Variants in TRIM39 observed in about 807,000 individuals in gnomAD.
TRIM39 encodes tripartite motif containing 39.
A neutral mutation model predicts 53.6 loss-of-function variants in TRIM39; 5 were observed. The ratio of observed to expected loss-of-function variants is 0.09; its 90% CI spans 0.05 to 0.20. The LOEUF (loss-of-function observed/expected upper bound fraction) is 0.20. Among genes scored for constraint, TRIM39 ranks in the 10% least tolerant of loss-of-function variants. The probability of loss-of-function intolerance (pLI) is 1.00; values close to 1 mark genes in which losing one functional copy is unlikely to be tolerated. For missense variants in TRIM39, 310 were observed against 621.0 expected (o/e 0.50, Z 5.32); for synonymous variants, 196 against 237.6 (o/e 0.82, Z 1.61).
chr6:30,327,157 G>A (rs1178675303), intron 1 of TRIM39, 162 bp downstream of exon 1: 1 of 152,654 alleles, frequency 6.6e-6, no homozygotes, highest in Non-Finnish European at 1.5e-5. Context: ...TGCCGCCCCG[G>A]CGACGTCAGC....
chr6:30,330,895 A>G lies in TRIM39; in HGVS notation c.549+19A>G, dbSNP rs750438582. On this transcript the variant is annotated intron_variant, in intron 4 of 7. Coordinates refer to ENST00000396551, the Ensembl canonical transcript of TRIM39. ...GCTCAAGGTAAAGGCAGGCAATCCC[A>G]TGTAGGCTGCTCTGAAGGGTATTTG... 22 of 1,613,048 alleles carry G rather than the reference A, an allele frequency of 1.4e-5. No homozygotes were observed. The highest frequency in any genetic ancestry group is 1.8e-5 in the Non-Finnish European group (21 of 1,179,356).
At chr6:30,340,196 T>G in intron 6 of TRIM39, 4 of 1,324,188 alleles carry the variant, frequency 3.0e-6, no homozygotes, top group Non-Finnish European at 4.4e-6. Flanking sequence ...GTGGGTGGAA[T>G]TGTGTCCAAA....
intron 4 of TRIM39, among the ~76,000 whole-genome samples, chr6:30,331,721 C>T (rs1475121157): frequency 2.0e-5 from 3 of 152,174 alleles, no homozygotes; most frequent in East Asian, 1.9e-4. Context: ...ATCTCTCAGG[C>T]GGGATGAAAG....
At chr6:30,328,379 G>GA (rs1256316444) in intron 1 of TRIM39, among the ~76,000 whole-genome samples, 1 of 152,240 alleles carries the variant, frequency 6.6e-6, no homozygotes, top group Non-Finnish European at 1.5e-5. Context: ...GAACACAAGA[G>GA]AAATGGAATG....
chr6:30,339,877 C>T lies in TRIM39; in HGVS notation c.781-31C>T. On this transcript the variant is annotated intron_variant, in intron 5 of 7. Coordinates refer to ENST00000396551, the Ensembl canonical transcript of TRIM39. This position sits in a 1 kb window ranked among gnomAD's most constrained non-coding sequence, Gnocchi z 4.2. ...CTTCAGGACCACTGAATACCAGGACCAATATTGCTTTCTTTTCTCCTTCCT... is the reference window on the plus strand; with the variant it reads ...CTTCAGGACCACTGAATACCAGGACTAATATTGCTTTCTTTTCTCCTTCCT... 1 of 1,613,942 alleles carries T rather than the reference C, an allele frequency of 6.2e-7. No individual in the cohort carries two copies. Among genetic ancestry groups the T allele is most frequent in the Non-Finnish European group, 8.5e-7 (1 of 1,179,974 alleles).
intron 4 of TRIM39, 75 bp downstream of exon 4, chr6:30,330,951 A>C: frequency 6.6e-7 from 1 of 1,512,742 alleles, no homozygotes; most frequent in Non-Finnish European, 9.0e-7. Context: ...ACACTATTTA[A>C]TCCACCAGTT....
At chr6:30,341,509 T>C (rs534970440) in intron 7 of TRIM39, 96 of 820,552 alleles carry the variant, frequency 1.2e-4, no homozygotes, top group Middle Eastern at 6.6e-4. Flanking sequence ...ATTATCTGTT[T>C]ACTTTAGGGT....
Position 30,342,231 on chromosome 6 carries a change from C to T in TRIM39, c.1439C>T (p.Thr480Ile). ...GGACGGAAGAATGCTGCACCACTTACCATCAGGCCCCCAACAGATTGGGAG... is the reference window on the plus strand; with the variant it reads ...GGACGGAAGAATGCTGCACCACTTATCATCAGGCCCCCAACAGATTGGGAG... The change falls in exon 8 of 8, where the codon ACC (threonine) becomes ATC (isoleucine). Residue 480 changes from threonine to isoleucine, a missense_variant. Around this residue, in one of 5 missense-constraint regions of TRIM39, gnomAD observed 75 missense variants for 244.8 expected, o/e 0.31. Transcript: ENST00000396551. The surrounding 1 kb of genome is among the most constrained non-coding windows in gnomAD (Gnocchi z 4.7). 6.2e-7 allele frequency: 1 copy of T among 1,613,016 alleles called. No homozygotes were observed. The highest frequency in any genetic ancestry group is 8.5e-7 in the Non-Finnish European group (1 of 1,180,012).
chr6:30,330,774 C>G lies in TRIM39; in HGVS notation c.454-7C>G, dbSNP rs768275615. The G allele has an allele frequency of 1.2e-6, 2 of 1,614,064 alleles. No homozygotes were observed. The highest frequency in any genetic ancestry group is 1.7e-6 in the Non-Finnish European group (2 of 1,179,986). ...GTCACCTCTCCCACTTCCTCCCTAC[C>G]CCTCAGGAAAAACTGCAGAAGTGTC... is the stretch of plus-strand genomic sequence containing the variant. On this transcript the variant is annotated splice_region_variant and splice_polypyrimidine_tract_variant and intron_variant, in intron 3 of 7. Coordinates refer to ENST00000396551, the Ensembl canonical transcript of TRIM39.
chr6:30,333,358 T>G lies in TRIM39; in HGVS notation c.550-2387T>G, dbSNP rs948247662. Among the ~76,000 whole-genome samples the G allele has an allele frequency of 1.8e-3, 257 of 142,604 alleles. 1 individual carries two copies. The highest frequency in any genetic ancestry group is 3.5e-3 in the Admixed American group (51 of 14,438). The allele number at this position is 142,604 out of a possible 152,430, so 93.6% of individuals were successfully genotyped here. ...CCTATGTTTTTGTTTTTGTGGTTTT[T>G]TTTTTTTTTTTTTTTTTGAGACGGC... On this transcript the variant is annotated intron_variant, in intron 4 of 7. Transcript: ENST00000396551.
Position 30,341,942 on chromosome 6 carries a change from G to A in TRIM39, c.1150G>A (p.Val384Met). ...GGCAGTGGGTGTATGCCGGGACTCCGTGAGCCGAAAGGGCGAGTTGACTCC... is the reference window on the plus strand; with the variant it reads ...GGCAGTGGGTGTATGCCGGGACTCCATGAGCCGAAAGGGCGAGTTGACTCC... The change falls in exon 8 of 8, where the codon GTG (valine) becomes ATG (methionine). Residue 384 changes from valine (V) to methionine (M), a missense_variant. Val to Met is a conservative substitution (Grantham distance 21). Coordinates refer to ENST00000396551, the Ensembl canonical transcript of TRIM39. The A allele has an allele frequency of 1.2e-6, 2 of 1,613,052 alleles. No individual in the cohort carries two copies. Among genetic ancestry groups the A allele is most frequent in the East Asian group, 2.2e-5 (1 of 44,880 alleles).
intron 6 of TRIM39, chr6:30,340,241 G>C (rs1281155944): frequency 1.3e-6 from 2 of 1,582,484 alleles, no homozygotes; most frequent in Non-Finnish European, 1.7e-6. Context: ...GGAGAGCAGG[G>C]AGGGCAATCA....
rs114403642 is a variant in TRIM39 at position 30,330,637 on chromosome 6, A to G, written c.454-144A>G. On this transcript the variant is annotated intron_variant, in intron 3 of 7. Coordinates refer to ENST00000396551, the Ensembl canonical transcript of TRIM39. ...GTAGAAAGTTGACATCCCAAATGAC[A>G]GGCAAGGAAGGAAGTCAGATCAAGA... The G allele has an allele frequency of 4.4e-3, 3,592 of 816,458 alleles. 14 individuals carry two copies. Among genetic ancestry groups the G allele is most frequent in the Middle Eastern group, 0.013 (50 of 3,860 alleles). 50.6% of individuals were successfully genotyped at this position (816,458 alleles called of 1,614,324 possible).
chr6:30,337,189 G>A (rs1473405323), intron 5 of TRIM39, among the ~76,000 whole-genome samples: 2 of 152,122 alleles, frequency 1.3e-5, no homozygotes, highest in African/African-American at 4.8e-5. Context: ...GATCACCTGA[G>A]GTCAGGAGTT....
chr6:30,330,951 A>G (rs1786074807), intron 4 of TRIM39, 75 bp downstream of exon 4: 1 of 1,512,624 alleles, frequency 6.6e-7, no homozygotes, highest in South Asian at 1.2e-5. Flanking sequence ...ACACTATTTA[A>G]TCCACCAGTT....
exon 3 of TRIM39, chr6:30,329,708 A>G (rs752564401): frequency 2.5e-6 from 4 of 1,612,846 alleles, no homozygotes; most frequent in South Asian, 2.2e-5. Flanking sequence ...GATATGTGCA[A>G]TTTCCCACAC....
chr6:30,326,724 G>C (rs1785346611), exon 1 of TRIM39: 1 of 153,374 alleles, frequency 6.5e-6, no homozygotes, highest in South Asian at 2.1e-4. Flanking sequence ...CAGCATCTCA[G>C]CCACCTGCCC....
intron 2 of TRIM39, 83 bp from the exon 3 acceptor site, chr6:30,329,225 TGTC>T (rs1275794482): frequency 2.1e-5 from 30 of 1,433,658 alleles, no homozygotes; most frequent in Middle Eastern, 2.5e-4. Flanking sequence ...TAGGGATAAA[TGTC>T]GGGTCAGGGA....
chr6:30,341,734 G>A (rs1787576279), exon 8 of TRIM39: 1 of 1,612,630 alleles, frequency 6.2e-7, no homozygotes, highest in Non-Finnish European at 8.5e-7. Context: ...TGGACCCTGA[G>A]ACAGCTCATC....
Sources: allele counts gnomAD v4.1 joint callset (sites outside exome capture counted in the v4.1 genomes callset), GRCh38; gene constraint gnomAD v4.1.1; regional missense constraint gnomAD v4.1.1; non-coding constraint Gnocchi (gnomAD v3.1); transcripts MANE v1.5; gene names NCBI Gene and HGNC (gene_info 2026-07-23, HGNC 2026-07-21).